Variants in MCPH1 observed in about 807,000 individuals in gnomAD.
MCPH1 encodes the protein microcephalin 1, also known as microcephalin.
In MCPH1, 104 loss-of-function variants were observed where a neutral mutation model predicts 84.5. The ratio of observed to expected loss-of-function variants is 1.23; its 90% CI spans 1.05 to 1.45. The LOEUF (loss-of-function observed/expected upper bound fraction) is 1.45. Among genes scored for constraint, MCPH1 ranks in the 40% most tolerant of loss-of-function variants. The pLI is 0.00. For missense variants in MCPH1, 1,498 were observed against 1,005.7 expected (o/e 1.49, Z -6.62); for synonymous variants, 514 against 366.8 (o/e 1.40, Z -4.58).
At chr8:6,514,860 C>G (rs2129567861) in intron 12 of MCPH1, 1 of 1,226,260 alleles carries the variant, frequency 8.2e-7, no homozygotes, top group Non-Finnish European at 1.2e-6. Context: ...AATGTAGACC[C>G]TGAGTGCAGG....
In MCPH1 at chr8:6,485,930, C is replaced by G. The variant is rs977078361; in HGVS notation, c.2136+5054C>G. On this transcript the variant is annotated intron_variant, in intron 11 of 13. Transcript: ENST00000344683. ...GTTCACAGGTTGCTCCTGACTTGCA[C>G]CCTCAAAAAGTTTAGAAACAAGCCG... Among the ~76,000 whole-genome samples, 55 of 152,242 alleles carry G rather than the reference C, an allele frequency of 3.6e-4. 1 individual carries two copies. The highest frequency in any genetic ancestry group is 1.3e-3 in the African/African-American group (52 of 41,546).
chr8:6,575,214 C>G (rs1826972519), intron 12 of MCPH1, among the ~76,000 whole-genome samples: 2 of 152,204 alleles, frequency 1.3e-5, no homozygotes, highest in African/African-American at 4.8e-5. Context: ...TGATTAATCT[C>G]AATGCCAGCC....
chr8:6,519,749 T>C (rs1435265697), intron 12 of MCPH1: 16 of 1,360,150 alleles, frequency 1.2e-5, no homozygotes, highest in Non-Finnish European at 1.6e-5. Flanking sequence ...TATGGCTTTG[T>C]ACTGTGTGAG....
At chr8:6,628,672 C>G (rs999408209) in intron 13 of MCPH1, among the ~76,000 whole-genome samples, 2 of 152,130 alleles carry the variant, frequency 1.3e-5, no homozygotes, top group Non-Finnish European at 2.9e-5. Flanking sequence ...TGGCAGGAAA[C>G]TTTGAAGACT....
At chr8:6,412,744 G>T (rs1585577446) in intron 2 of MCPH1, among the ~76,000 whole-genome samples, 1 of 152,214 alleles carries the variant, frequency 6.6e-6, no homozygotes, top group East Asian at 1.9e-4. Flanking sequence ...CTAGGTGTCA[G>T]TCTTAATCTA....
At chr8:6,484,168 A>G (rs571265726) in intron 11 of MCPH1, among the ~76,000 whole-genome samples, 6 of 152,234 alleles carry the variant, frequency 3.9e-5, no homozygotes, top group Admixed American at 6.5e-5. Context: ...CTGACAAAAG[A>G]TTTATGTCTG....
intron 12 of MCPH1, among the ~76,000 whole-genome samples, chr8:6,595,436 G>C (rs1828843799): frequency 6.6e-6 from 1 of 152,218 alleles, no homozygotes; most frequent in Non-Finnish European, 1.5e-5. Context: ...TGGCCAAGTA[G>C]ATGCAGGGGA....
In MCPH1 at chr8:6,626,651, C is replaced by A. The variant is rs907637007; in HGVS notation, c.2452+4960C>A. 1.6e-5 allele frequency: 16 copies of A among 984,708 alleles called. No individual in the cohort carries two copies. In the Admixed American group the frequency reaches 2.5e-4, roughly 15 times the overall value. 61.0% of individuals were successfully genotyped at this position (984,708 alleles called of 1,614,324 possible). On this transcript the variant is annotated intron_variant, in intron 13 of 13. Transcript: ENST00000344683. The stretch of plus-strand genomic sequence containing the variant: ...GCATTTGCTAATGGTTGCATTTTCC[C>A]CCCAACACTCCCATGACATATAATT...
intron 10 of MCPH1, among the ~76,000 whole-genome samples, chr8:6,478,924 G>C (rs1042133742): frequency 9.9e-5 from 15 of 152,108 alleles, no homozygotes; most frequent in Non-Finnish European, 2.2e-4. Context: ...TCATTTTACA[G>C]ATAAAGAAAC....
At chr8:6,451,380 G>C (rs939676548) in intron 8 of MCPH1, among the ~76,000 whole-genome samples, 1 of 152,220 alleles carries the variant, frequency 6.6e-6, no homozygotes, top group Non-Finnish European at 1.5e-5. Flanking sequence ...TTAATAGAAA[G>C]CTCTGTCCCT....
chr8:6,407,013 C>G (rs559120912), intron 1 of MCPH1: 1 of 374,834 alleles, frequency 2.7e-6, no homozygotes, highest in African/African-American at 2.6e-5. Context: ...CTGCTAGTTC[C>G]CCTCAATCCC....
At chr8:6,534,016 C>T (rs558284911) in intron 12 of MCPH1, among the ~76,000 whole-genome samples, 2 of 152,102 alleles carry the variant, frequency 1.3e-5, no homozygotes, top group Non-Finnish European at 2.9e-5. Flanking sequence ...TCGCCATCGA[C>T]TCTGCCCCAC....
intron 13 of MCPH1, chr8:6,626,086 A>T: frequency 5.1e-6 from 5 of 985,424 alleles, no homozygotes; most frequent in Non-Finnish European, 6.0e-6. Context: ...TCTCAAGACC[A>T]ACAACTCCAT....
intron 12 of MCPH1, among the ~76,000 whole-genome samples, chr8:6,582,868 G>C (rs1046758326): frequency 6.6e-6 from 1 of 152,184 alleles, no homozygotes; most frequent in African/African-American, 2.4e-5. Flanking sequence ...AGCCCCACAA[G>C]TGTCGCAGCT....
At chr8:6,620,020 C>G (rs900059952) in intron 12 of MCPH1, 3 of 152,350 alleles carry the variant, frequency 2.0e-5, no homozygotes, top group African/African-American at 7.2e-5. Context: ...GTGTGACTCA[C>G]CATTTGCCAA....
chr8:6,412,907 A>G (rs954021871), intron 2 of MCPH1, among the ~76,000 whole-genome samples: 1 of 152,232 alleles, frequency 6.6e-6, no homozygotes, highest in Non-Finnish European at 1.5e-5. Context: ...CAATGAAAAG[A>G]AAGAGAAACC....
intron 12 of MCPH1, 45 bp downstream of exon 12, chr8:6,499,974 C>G (rs1294085893): frequency 1.3e-6 from 2 of 1,518,198 alleles, no homozygotes; most frequent in South Asian, 1.1e-5. Flanking sequence ...GTTTGCTGTT[C>G]TCAAGAAATT....
At chr8:6,519,790 G>T in intron 12 of MCPH1, 1 of 1,540,392 alleles carries the variant, frequency 6.5e-7, no homozygotes, top group Non-Finnish European at 8.9e-7. Context: ...AGAGACTTCT[G>T]CTCTCTGGTT....
chr8:6,417,591 A>G (rs934438360), intron 3 of MCPH1, among the ~76,000 whole-genome samples: 2 of 151,720 alleles, frequency 1.3e-5, no homozygotes, highest in African/African-American at 4.8e-5. Context: ...CCATTCTGCT[A>G]CTTAGTACCT....
Sources: allele counts gnomAD v4.1 joint callset (sites outside exome capture counted in the v4.1 genomes callset), GRCh38; gene constraint gnomAD v4.1.1; transcripts MANE v1.5; gene names NCBI Gene and HGNC (gene_info 2026-07-23, HGNC 2026-07-21).